Variants in WDR76 observed in about 807,000 individuals in gnomAD.
WDR76 encodes the protein WD repeat domain 76.
WDR76 carries 52 observed loss-of-function variants against 70.2 expected under a neutral mutation model. The observed-to-expected ratio is 0.74, with a 90% confidence interval of 0.59 to 0.93. The LOEUF is 0.93. Among genes scored for constraint, WDR76 ranks in the 40% least tolerant of loss-of-function variants. The probability of loss-of-function intolerance (pLI) is 0.00; values close to 1 mark genes in which losing one functional copy is unlikely to be tolerated. For missense variants in WDR76, 756 were observed against 760.2 expected (o/e 0.99, Z 0.07); for synonymous variants, 292 against 271.1 (o/e 1.08, Z -0.76).
chr15:43,856,705 TAGCC>T (rs2087931413), intron 9 of WDR76, among the ~76,000 whole-genome samples: 1 of 152,026 alleles, frequency 6.6e-6, no homozygotes, highest in African/African-American at 2.4e-5. Context: ...TATTTTAAAA[TAGCC>T]AGAAGAGAGG....
chr15:43,859,980 G>T (rs947968720), intron 11 of WDR76, among the ~76,000 whole-genome samples: 2 of 152,350 alleles, frequency 1.3e-5, no homozygotes, highest in African/African-American at 4.8e-5. Flanking sequence ...GCCAGGTGCA[G>T]TGGCTTAGGC....
intron 2 of WDR76, among the ~76,000 whole-genome samples, chr15:43,831,873 G>A (rs141185455): frequency 6.6e-6 from 1 of 150,570 alleles, no homozygotes; most frequent in Non-Finnish European, 1.5e-5. Flanking sequence ...CTCACCTGTC[G>A]CCCAGGCTGG....
Position 43,868,123 on chromosome 15 carries a change from GA to G in WDR76, c.*1733del, listed in dbSNP as rs764489441. On this transcript the variant is annotated 3_prime_UTR_variant, in exon 13 of 13. Transcript: ENST00000263795. ...TATTTTCTAGTTGATATAAGTAGAA[GA>G]ATTGACAAGTGAGATGGAAATGTTA... The G allele has an allele frequency of 5.3e-5, 8 of 152,266 alleles. No individual in the cohort carries two copies. The South Asian group carries it at 6.2e-4, about 12-fold the overall frequency. 9.4% of individuals were successfully genotyped at this position (152,266 alleles called of 1,614,324 possible).
chr15:43,848,765 C>G (rs573281271), intron 8 of WDR76, among the ~76,000 whole-genome samples: 4 of 152,146 alleles, frequency 2.6e-5, no homozygotes, highest in African/African-American at 9.6e-5. Context: ...ATGGTGAAAC[C>G]CTGTCTCTAC....
rs1170753978 is a variant in WDR76 at position 43,842,631 on chromosome 15, A to T, written c.838A>T (p.Ser280Cys). The T allele has an allele frequency of 6.2e-7, 1 of 1,609,870 alleles. No individual in the cohort carries two copies. The highest frequency in any genetic ancestry group is 1.1e-5 in the South Asian group (1 of 90,248). ...TTCATCTCTCCCAATGTTTCAGCCA[A>T]GTAGTAAGAACACTGAGAAGGGATT... ...LHTWAGMSKP[S>C]SKNTEKGLSS... The change falls in exon 7 of 13, where the codon AGT becomes TGT. Residue 280 changes from serine (S) to cysteine (C), a missense_variant. Coordinates refer to ENST00000263795, the MANE Select transcript of WDR76 (RefSeq NM_024908.4).
Position 43,866,545 on chromosome 15 carries a change from A to G in WDR76, c.*153A>G. The G allele has an allele frequency of 2.2e-6, 2 of 895,032 alleles. No individual in the cohort carries two copies. Among genetic ancestry groups the G allele is most frequent in the Non-Finnish European group, 3.3e-6 (2 of 614,972 alleles). 55.4% of individuals were successfully genotyped at this position (895,032 alleles called of 1,614,324 possible). The stretch of plus-strand genomic sequence containing the variant: ...AAGACTATAAGAAGAGTGTACTTTT[A>G]GTAAGGGAGAAGTCTTGGAGGGTTG... On this transcript the variant is annotated 3_prime_UTR_variant, in exon 13 of 13. Transcript: ENST00000263795.
intron 4 of WDR76, among the ~76,000 whole-genome samples, chr15:43,837,061 A>G (rs2087666178): frequency 6.6e-6 from 1 of 151,894 alleles, no homozygotes; most frequent in Non-Finnish European, 1.5e-5. Context: ...AAAAAACAAA[A>G]AAAAACAACT....
intron 5 of WDR76, among the ~76,000 whole-genome samples, chr15:43,840,342 T>A (rs1567184922): frequency 1.3e-5 from 2 of 148,542 alleles, no homozygotes; most frequent in Admixed American, 6.8e-5. Flanking sequence ...TATGTCAGTT[T>A]AAAAAAAAAA....
rs985738992 is a variant in WDR76 at position 43,851,083 on chromosome 15, C to G, written c.1033-4C>G. ...CTCTCCCCTTTCCCGCAACTCTCTTCCAGACCCAGCAACCTAAAGAAGATG... is the reference window on the plus strand; with the variant it reads ...CTCTCCCCTTTCCCGCAACTCTCTTGCAGACCCAGCAACCTAAAGAAGATG... On this transcript the variant is annotated splice_region_variant and splice_polypyrimidine_tract_variant and intron_variant, in intron 8 of 12. Coordinates refer to ENST00000263795, the MANE Select transcript of WDR76 (RefSeq NM_024908.4). The G allele has an allele frequency of 6.2e-7, 1 of 1,613,992 alleles. No homozygotes were observed. The highest frequency in any genetic ancestry group is 1.1e-5 in the South Asian group (1 of 91,042).
In WDR76 at chr15:43,842,662, G is replaced by A; in HGVS notation, c.869G>A (p.Ser290Asn). The change falls in exon 7 of 13, where the codon AGC becomes AAC. Residue 290 changes from serine to asparagine, a missense_variant. Physicochemically the swap from Ser to Asn is conservative, Grantham distance 46 (BLOSUM62 1). Coordinates refer to ENST00000263795, the MANE Select transcript of WDR76 (RefSeq NM_024908.4). ...SSKNTEKGLS[S>N]IKSYKANLNG... ...AAGAACACTGAGAAGGGATTATCTA[G>A]CATTAAAAGGTAAGTTGAAATTCCT... 6.2e-7 allele frequency: 1 copy of A among 1,608,748 alleles called. No homozygotes were observed. Among genetic ancestry groups the A allele is most frequent in the Non-Finnish European group, 8.5e-7 (1 of 1,178,412 alleles).
chr15:43,863,975 A>G (rs2088038079), intron 12 of WDR76: 1 of 152,238 alleles, frequency 6.6e-6, no homozygotes, highest in African/African-American at 2.4e-5. Flanking sequence ...TGAACAATCA[A>G]TTAAGATAAG....
At position 43,828,275 on chromosome 15, in the gene WDR76, A is replaced by C. The variant is rs1272625715; in HGVS notation, c.371A>C (p.Gln124Pro). ...SAVHTESNKLQPKRTADAMNL... is the reference protein window; with the variant it reads ...SAVHTESNKLPPKRTADAMNL... ...GTTCATACTGAAAGTAACAAGCTAC[A>C]ACCCAAGAGAACGGCAGATGCGATG... Residue 124 changes from glutamine (Q) to proline (P), a missense_variant, in exon 2 of 13, where the codon CAA (glutamine) becomes CCA (proline). Transcript: ENST00000263795. 2.5e-6 allele frequency: 4 copies of C among 1,614,216 alleles called. No homozygotes were observed. In the Admixed American group the frequency reaches 6.7e-5, roughly 27 times the overall value.
chr15:43,828,526 A>G (rs1408572421), intron 2 of WDR76, among the ~76,000 whole-genome samples, 160 bp downstream of exon 2: 1 of 152,256 alleles, frequency 6.6e-6, no homozygotes, highest in Admixed American at 6.5e-5. Flanking sequence ...TTTAAGGTTT[A>G]ACAAATAACT....
intron 2 of WDR76, among the ~76,000 whole-genome samples, chr15:43,834,818 G>A (rs1253998328): frequency 6.6e-6 from 1 of 152,090 alleles, no homozygotes; most frequent in Non-Finnish European, 1.5e-5. Flanking sequence ...CATACTACTT[G>A]ATTTCTAATA....
intron 2 of WDR76, among the ~76,000 whole-genome samples, chr15:43,832,743 G>GTTTT (rs201304087): frequency 0.032 from 2,211 of 68,112 alleles, 756 homozygotes; most frequent in Admixed American, 0.064. Flanking sequence ...GGCTTGCTTT[G>GTTTT]TTTTTTTTTT....
intron 8 of WDR76, among the ~76,000 whole-genome samples, chr15:43,847,874 G>A (rs756251400): frequency 1.3e-5 from 2 of 151,976 alleles, no homozygotes; most frequent in Non-Finnish European, 2.9e-5. Flanking sequence ...TTTTTAATAA[G>A]TTTACTTAGT....
chr15:43,831,224 CT>C (rs2087584167), intron 2 of WDR76, among the ~76,000 whole-genome samples: 2 of 151,994 alleles, frequency 1.3e-5, no homozygotes, highest in Admixed American at 6.6e-5. Context: ...GAGCAAGACT[CT>C]TGTTTTAAAA....
Position 43,857,025 on chromosome 15 carries a change from G to A in WDR76, c.1271G>A (p.Trp424Ter). The change falls in exon 10 of 13, where the codon TGG becomes TAG. Residue 424 changes from tryptophan to a stop codon, truncating the protein, a stop_gained. Coordinates refer to ENST00000263795, the MANE Select transcript of WDR76 (RefSeq NM_024908.4). LOFTEE classifies it high-confidence loss of function. ...EDASTLIVGH[W>*]DGNMSLVDRR... ...GCCTCCACTTTAATAGTAGGACACT[G>A]GGATGGAAATATGTCACTGGTGGAT... 3 of 1,614,064 alleles carry A rather than the reference G, an allele frequency of 1.9e-6. No homozygotes were observed. The highest frequency in any genetic ancestry group is 2.5e-6 in the Non-Finnish European group (3 of 1,180,008).
intron 12 of WDR76, among the ~76,000 whole-genome samples, chr15:43,865,308 T>G (rs1173003155): frequency 6.6e-6 from 1 of 152,170 alleles, no homozygotes; most frequent in Non-Finnish European, 1.5e-5. Flanking sequence ...AGTCTCACTC[T>G]GTTGCCCAGG....
Sources: allele counts gnomAD v4.1 joint callset (sites outside exome capture counted in the v4.1 genomes callset), GRCh38; gene constraint gnomAD v4.1.1; transcripts MANE v1.5; gene names NCBI Gene and HGNC (gene_info 2026-07-23, HGNC 2026-07-21).